CCDC6: variants seen among roughly 807,000 people sequenced by gnomAD.
CCDC6 encodes the protein coiled-coil domain containing 6, also known as coiled-coil domain-containing protein 6.
Under a neutral mutation model 56.6 loss-of-function variants are expected in CCDC6, and 20 were observed. The ratio of observed to expected loss-of-function variants is 0.35; its 90% CI spans 0.25 to 0.51. The LOEUF (loss-of-function observed/expected upper bound fraction) is 0.51. Among genes scored for constraint, CCDC6 ranks in the 20% least tolerant of loss-of-function variants. The pLI, the probability that CCDC6 is intolerant of heterozygous loss-of-function variation, is 0.95. For synonymous variants in CCDC6, 241 were observed against 234.4 expected, an observed-to-expected ratio of 1.03 and a Z score of -0.26; for missense variants, 367 against 601.1, an observed-to-expected ratio of 0.61 and a Z score of 4.07.
intron 7 of CCDC6, among the ~76,000 whole-genome samples, chr10:59,803,117 T>C (rs2070591215): frequency 6.6e-6 from 1 of 152,176 alleles, no homozygotes; most frequent in Non-Finnish European, 1.5e-5. Flanking sequence ...TTAATGGCAC[T>C]GGAAGATGGA....
intron 1 of CCDC6, among the ~76,000 whole-genome samples, chr10:59,903,708 G>C (rs1589068261): frequency 6.6e-6 from 1 of 152,234 alleles, no homozygotes; most frequent in East Asian, 1.9e-4. Context: ...ATCTAACAAG[G>C]CCTTCACTTA....
intron 1 of CCDC6, 132 bp downstream of exon 1, chr10:59,905,990 C>A (rs1015680120): frequency 9.0e-6 from 7 of 774,622 alleles, no homozygotes; most frequent in African/African-American, 1.8e-5. Flanking sequence ...GCCAGCAGGT[C>A]CCCGCAGGGA....
chr10:59,812,645 A>G lies in CCDC6; in HGVS notation c.837T>C (p.Ala279=), dbSNP rs374316271. ...VERLKKQLRA[A]QLQHSEKMAQ... is the part of the protein sequence containing the mutation. ...CCAGAGGCTACGTACGCTGTAACTGAGCAGCTCTCAGTTGCTTCTTCAGCC... is the reference window on the plus strand; with the variant it reads ...CCAGAGGCTACGTACGCTGTAACTGGGCAGCTCTCAGTTGCTTCTTCAGCC... The change falls in exon 5 of 9, where the codon GCT becomes GCC. Residue 279 remains alanine (A), a synonymous_variant. Coordinates refer to ENST00000263102, the MANE Select transcript of CCDC6 (RefSeq NM_005436.5). The G allele has an allele frequency of 1.9e-6, 3 of 1,612,586 alleles. No homozygotes were observed. Among genetic ancestry groups the G allele is most frequent in the African/African-American group, 2.7e-5 (2 of 74,856 alleles).
In CCDC6 at chr10:59,797,020, T is replaced by G. The variant is rs111363593; in HGVS notation, c.1106-2423A>C. On this transcript the variant is annotated intron_variant, in intron 7 of 8. Coordinates refer to ENST00000263102, the MANE Select transcript of CCDC6 (RefSeq NM_005436.5). ...AACAACCTCACTGTCCATCAACGGA[T>G]GAGCAGATAAAGAAAATGTGATATA... Among the ~76,000 whole-genome samples, 182 of 150,008 alleles carry G rather than the reference T, an allele frequency of 1.2e-3. 1 individual carries two copies. The highest frequency in any genetic ancestry group is 4.3e-3 in the African/African-American group (175 of 40,940).
At chr10:59,880,277 C>T (rs942877305) in intron 1 of CCDC6, among the ~76,000 whole-genome samples, 2 of 152,000 alleles carry the variant, frequency 1.3e-5, no homozygotes, top group African/African-American at 2.4e-5. Flanking sequence ...ACTGTACACT[C>T]AGGGGACTTT....
At position 59,857,930 on chromosome 10, in the gene CCDC6, T is replaced by A. The variant is rs570274319; in HGVS notation, c.304-5228A>T. Reference sequence around the variant, plus strand: ...ACACAGGCAACTGAATAAAAACTTGTTCTGTTTAAACTGTCCTTTCCTAGG... The same window carrying A: ...ACACAGGCAACTGAATAAAAACTTGATCTGTTTAAACTGTCCTTTCCTAGG... On this transcript the variant is annotated intron_variant, in intron 1 of 8. Coordinates refer to ENST00000263102, the MANE Select transcript of CCDC6 (RefSeq NM_005436.5). Among the ~76,000 whole-genome samples the A allele has an allele frequency of 7.2e-5, 11 of 152,294 alleles. No individual in the cohort carries two copies. The South Asian group carries it at 1.5e-3, about 20-fold the overall frequency.
chr10:59,879,470 T>C (rs1422543877), intron 1 of CCDC6, among the ~76,000 whole-genome samples: 1 of 152,218 alleles, frequency 6.6e-6, no homozygotes, highest in Non-Finnish European at 1.5e-5. Flanking sequence ...CACATCATTC[T>C]ACTGTAGGAA....
chr10:59,809,912 G>C (rs989777461), intron 5 of CCDC6, among the ~76,000 whole-genome samples: 2 of 152,208 alleles, frequency 1.3e-5, no homozygotes, highest in Admixed American at 1.3e-4. Flanking sequence ...GGTGTGAACT[G>C]CGGATGACTT....
At chr10:59,841,875 G>A (rs1049845443) in intron 2 of CCDC6, among the ~76,000 whole-genome samples, 1 of 151,718 alleles carries the variant, frequency 6.6e-6, no homozygotes, top group Non-Finnish European at 1.5e-5. Flanking sequence ...CACCACGTTA[G>A]CCAGGACGGT....
intron 1 of CCDC6, among the ~76,000 whole-genome samples, chr10:59,889,206 A>G (rs2071404148): frequency 6.6e-6 from 1 of 152,192 alleles, no homozygotes; most frequent in Non-Finnish European, 1.5e-5. Flanking sequence ...AGAGCTTCCC[A>G]TCTGGCATTC....
At chr10:59,892,102 C>T (rs146103336) in intron 1 of CCDC6, among the ~76,000 whole-genome samples, 2 of 152,204 alleles carry the variant, frequency 1.3e-5, no homozygotes, top group Admixed American at 1.3e-4. Context: ...GTTCTTTAAA[C>T]CAGCAGCTAA....
At chr10:59,838,722 G>A (rs1485718326) in intron 2 of CCDC6, among the ~76,000 whole-genome samples, 1 of 152,016 alleles carries the variant, frequency 6.6e-6, no homozygotes, top group Non-Finnish European at 1.5e-5. Flanking sequence ...TACTGGTCCG[G>A]GGCTTCTAGA....
chr10:59,875,818 T>C (rs2071273983), intron 1 of CCDC6, among the ~76,000 whole-genome samples: 1 of 152,102 alleles, frequency 6.6e-6, no homozygotes, highest in Non-Finnish European at 1.5e-5. Context: ...ACAAAGCAAG[T>C]TAACTAGGTA....
intron 3 of CCDC6, among the ~76,000 whole-genome samples, chr10:59,816,690 T>G (rs1211835900): frequency 6.6e-6 from 1 of 152,236 alleles, no homozygotes; most frequent in African/African-American, 2.4e-5. Context: ...CTCAACACTT[T>G]TTGGCTATGA....
chr10:59,822,180 G>A (rs1367111754), intron 3 of CCDC6, among the ~76,000 whole-genome samples: 1 of 152,096 alleles, frequency 6.6e-6, no homozygotes, highest in East Asian at 1.9e-4. Context: ...TTATGTTCCT[G>A]TAAGAATTAG....
intron 2 of CCDC6, among the ~76,000 whole-genome samples, chr10:59,846,784 C>T (rs1261277275): frequency 6.6e-6 from 1 of 152,156 alleles, no homozygotes; most frequent in African/African-American, 2.4e-5. Context: ...ATATGCAGTA[C>T]TCTTCCTACC....
chr10:59,799,837 A>G (rs1173948270), intron 7 of CCDC6, among the ~76,000 whole-genome samples: 3 of 152,182 alleles, frequency 2.0e-5, no homozygotes, highest in African/African-American at 4.8e-5. Flanking sequence ...ATTGTGCTTT[A>G]GATTCCTGAG....
intron 3 of CCDC6, among the ~76,000 whole-genome samples, chr10:59,817,257 T>G (rs566322957): frequency 1.8e-4 from 28 of 152,284 alleles, no homozygotes; most frequent in African/African-American, 6.7e-4. Flanking sequence ...CATGGATCAC[T>G]GTAGCCTTAA....
chr10:59,802,367 A>T (rs982593287), intron 7 of CCDC6, among the ~76,000 whole-genome samples: 78 of 152,362 alleles, frequency 5.1e-4, no homozygotes, highest in African/African-American at 1.8e-3. Flanking sequence ...TGCTATTCAA[A>T]CAGCATATTT....
Sources: gnomAD v4.1 joint callset for allele counts (sites outside exome capture counted in the v4.1 genomes callset) on GRCh38, gnomAD v4.1.1 for gene constraint, MANE v1.5 for transcripts, NCBI Gene and HGNC (gene_info 2026-07-23, HGNC 2026-07-21) for gene names.